TANC2: variants seen among roughly 807,000 people sequenced by gnomAD.
TANC2 encodes tetratricopeptide repeat, ankyrin repeat and coiled-coil containing 2, also known as protein TANC2.
In TANC2, 26 loss-of-function variants were observed where a neutral mutation model predicts 210.5. The observed-to-expected ratio is 0.12, with a 90% CI of 0.09 to 0.17. The LOEUF is 0.17. TANC2 is among the 10% of genes least tolerant of loss of function. TANC2 has a pLI of 1.00. For synonymous variants in TANC2, 931 were observed against 967.1 expected, an observed-to-expected ratio of 0.96 and a Z score of 0.69; for missense variants, 2,129 against 2,608.9, an observed-to-expected ratio of 0.82 and a Z score of 4.01.
chr17:63,149,491 TTGAGCAGGGACC>T (rs2145387641), intron 4 of TANC2: 1 of 152,232 alleles, frequency 6.6e-6, no homozygotes, highest in Admixed American at 6.5e-5. Flanking sequence ...ATAGAGTCCC[TTGAGCAGGGACC>T]TGTGCTGTCT....
At chr17:63,202,435 A>G (rs1386469732) in intron 7 of TANC2, among the ~76,000 whole-genome samples, 1 of 152,146 alleles carries the variant, frequency 6.6e-6, no homozygotes, top group Non-Finnish European at 1.5e-5. Flanking sequence ...TTTATGTAGA[A>G]TAAAGAAGAG....
intron 4 of TANC2, among the ~76,000 whole-genome samples, chr17:63,101,564 T>C (rs1279997333): frequency 6.6e-6 from 1 of 152,212 alleles, no homozygotes; most frequent in Non-Finnish European, 1.5e-5. Flanking sequence ...TCAACAGATA[T>C]TTGTCTAAGG....
At chr17:63,383,543 A>G (rs2047680583) in intron 15 of TANC2, among the ~76,000 whole-genome samples, 1 of 152,042 alleles carries the variant, frequency 6.6e-6, no homozygotes, top group Admixed American at 6.5e-5. Flanking sequence ...TTGATAGTTC[A>G]TTTCTTTTTA....
chr17:63,263,905 T>C (rs1183782075), intron 8 of TANC2, among the ~76,000 whole-genome samples: 2 of 152,204 alleles, frequency 1.3e-5, no homozygotes, highest in Non-Finnish European at 2.9e-5. Context: ...GATCGACAGG[T>C]ATATCACTCT....
In TANC2 at chr17:63,162,083, T is replaced by A. The variant is rs562215357; in HGVS notation, c.433+10703T>A. ...ACTTTGGGAGGCCAAGACGGGAGGA[T>A]CATTCGAGGCCGGGAGTTGGAGACC... On this transcript the variant is annotated intron_variant, in intron 5 of 27. Transcript: ENST00000689528. Among the ~76,000 whole-genome samples the A allele has an allele frequency of 2.6e-5, 4 of 152,072 alleles. No homozygotes were observed. In the South Asian group the frequency reaches 8.3e-4, roughly 32 times the overall value.
chr17:63,114,737 A>C (rs2038188558), intron 4 of TANC2, among the ~76,000 whole-genome samples: 1 of 152,226 alleles, frequency 6.6e-6, no homozygotes, highest in South Asian at 2.1e-4. Flanking sequence ...GACTGAAAAA[A>C]GAATAAAAAT....
intron 11 of TANC2, chr17:63,332,124 GC>G: frequency 2.9e-6 from 1 of 346,498 alleles, no homozygotes; most frequent in Non-Finnish European, 5.7e-6. Context: ...GAATTTTTGA[GC>G]AGAAAAATCT....
chr17:62,978,222 A>G (rs1223940204), intron 1 of TANC2, among the ~76,000 whole-genome samples: 2 of 152,242 alleles, frequency 1.3e-5, no homozygotes. Context: ...AAAAGGTAAT[A>G]CACTATGATC....
intron 9 of TANC2, among the ~76,000 whole-genome samples, chr17:63,309,834 T>C (rs2045056578): frequency 6.6e-6 from 1 of 152,212 alleles, no homozygotes; most frequent in African/African-American, 2.4e-5. Context: ...GTAACACTGA[T>C]GCAGTAGTAG....
At chr17:63,111,738 T>A (rs2038054845) in intron 4 of TANC2, among the ~76,000 whole-genome samples, 2 of 151,942 alleles carry the variant, frequency 1.3e-5, no homozygotes, top group African/African-American at 4.8e-5. Flanking sequence ...TATTTATTTA[T>A]TTTTTTGAGA....
intron 27 of TANC2, among the ~76,000 whole-genome samples, chr17:63,419,501 G>A (rs2048960593): frequency 6.6e-6 from 1 of 152,202 alleles, no homozygotes; most frequent in Non-Finnish European, 1.5e-5. Flanking sequence ...GAGAGATGAG[G>A]GTTAGAAAGG....
chr17:63,209,853 G>GAATATT (rs2145861230), intron 7 of TANC2, among the ~76,000 whole-genome samples: 1 of 152,228 alleles, frequency 6.6e-6, no homozygotes, highest in East Asian at 1.9e-4. Context: ...AACCATAAAC[G>GAATATT]AATATTAATT....
At chr17:63,353,336 G>A (rs943617895) in intron 13 of TANC2, among the ~76,000 whole-genome samples, 5 of 152,146 alleles carry the variant, frequency 3.3e-5, no homozygotes, top group Non-Finnish European at 5.9e-5. Flanking sequence ...ATGGGTGAAT[G>A]ATGATTTGAG....
chr17:63,411,991 G>C lies in TANC2; in HGVS notation c.3766-7G>C. 1 of 1,613,832 alleles carries C rather than the reference G, an allele frequency of 6.2e-7. No homozygotes were observed. Among genetic ancestry groups the C allele is most frequent in the Non-Finnish European group, 8.5e-7 (1 of 1,179,834 alleles). On this transcript the variant is annotated splice_polypyrimidine_tract_variant and splice_region_variant and intron_variant, in intron 22 of 27. Coordinates refer to ENST00000689528, the Ensembl canonical transcript of TANC2. Reference sequence around the variant, plus strand: ...GTCCTAACTTCTCTGCTTGATCCGTGTCCTAGGTCCAGTTCCTGGTAGATC... The same window carrying C: ...GTCCTAACTTCTCTGCTTGATCCGTCTCCTAGGTCCAGTTCCTGGTAGATC...
chr17:63,229,311 G>T (rs545504388), intron 7 of TANC2, among the ~76,000 whole-genome samples: 2 of 152,290 alleles, frequency 1.3e-5, no homozygotes, highest in South Asian at 4.1e-4. Context: ...TTGATGTGCT[G>T]CTGGATTGGT....
At chr17:63,301,342 G>A (rs1160126263) in intron 9 of TANC2, among the ~76,000 whole-genome samples, 3 of 152,058 alleles carry the variant, frequency 2.0e-5, no homozygotes, top group African/African-American at 7.2e-5. Flanking sequence ...GGAATAGTTT[G>A]AGAAGGAATG....
intron 4 of TANC2, among the ~76,000 whole-genome samples, chr17:63,124,105 G>A (rs993848723): frequency 3.9e-5 from 6 of 152,122 alleles, no homozygotes; most frequent in Admixed American, 2.0e-4. Context: ...TTGTCTTTTC[G>A]TTGGCACTTT....
chr17:63,198,010 T>G (rs1008002869), intron 6 of TANC2, among the ~76,000 whole-genome samples: 3 of 152,224 alleles, frequency 2.0e-5, no homozygotes, highest in Admixed American at 6.5e-5. Flanking sequence ...CTCTGATATG[T>G]GCTTTATTTT....
At chr17:63,230,752 G>C (rs1489772387) in intron 7 of TANC2, among the ~76,000 whole-genome samples, 1 of 152,128 alleles carries the variant, frequency 6.6e-6, no homozygotes, top group Non-Finnish European at 1.5e-5. Flanking sequence ...TGTTGTTTTT[G>C]GGTGGAGAGT....
Sources: allele counts gnomAD v4.1 joint callset (sites outside exome capture counted in the v4.1 genomes callset), GRCh38; gene constraint gnomAD v4.1.1; transcripts MANE v1.5; gene names NCBI Gene and HGNC (gene_info 2026-07-23, HGNC 2026-07-21).